The following KCNH7 variants were observed in gnomAD, a reference collection of about 807,000 sequenced individuals.
KCNH7 encodes voltage-gated inwardly rectifying potassium channel KCNH7.
KCNH7 carries 49 observed loss-of-function variants against 120.8 expected under a neutral mutation model. That is an observed-to-expected ratio of 0.41 (90% CI 0.32 to 0.51). The LOEUF is 0.51. Among genes scored for constraint, KCNH7 ranks in the 20% least tolerant of loss-of-function variants. The pLI is 0.38. For missense variants in KCNH7, 1,097 were observed against 1,446.6 expected, an observed-to-expected ratio of 0.76 and a Z score of 3.92; for synonymous variants, 547 against 516.1, an observed-to-expected ratio of 1.06 and a Z score of -0.81.
At chr2:162,416,768 C>T (rs986361141) in intron 9 of KCNH7, among the ~76,000 whole-genome samples, 1 of 152,034 alleles carries the variant, frequency 6.6e-6, no homozygotes, top group Non-Finnish European at 1.5e-5. Context: ...CTACCCAACC[C>T]AATAAAGAAA....
chr2:162,576,706 C>T (rs1693681821), intron 2 of KCNH7, among the ~76,000 whole-genome samples: 2 of 151,564 alleles, frequency 1.3e-5, no homozygotes, highest in Non-Finnish European at 2.9e-5. Context: ...AGTGGTAAAA[C>T]ATACACTTTT....
At chr2:162,699,283 T>G (rs1231210045) in intron 2 of KCNH7, among the ~76,000 whole-genome samples, 1 of 152,172 alleles carries the variant, frequency 6.6e-6, no homozygotes, top group Non-Finnish European at 1.5e-5. Flanking sequence ...ACATGGTATT[T>G]GTCTTTCTGT....
chr2:162,469,666 A>G (rs1473875276), intron 6 of KCNH7, among the ~76,000 whole-genome samples: 1 of 151,846 alleles, frequency 6.6e-6, no homozygotes, highest in Non-Finnish European at 1.5e-5. Flanking sequence ...TAAAAGGTAG[A>G]TTTGCCCTCT....
chr2:162,615,769 G>T (rs1683122110), intron 2 of KCNH7, among the ~76,000 whole-genome samples: 1 of 151,786 alleles, frequency 6.6e-6, no homozygotes, highest in African/African-American at 2.4e-5. Flanking sequence ...TTTTAATTGT[G>T]ATCAGCAAAA....
At chr2:162,459,886 G>C (rs1689089795) in intron 6 of KCNH7, among the ~76,000 whole-genome samples, 1 of 151,970 alleles carries the variant, frequency 6.6e-6, no homozygotes, top group Non-Finnish European at 1.5e-5. Context: ...ACGAGGTCAA[G>C]AGATTGAGAC....
chr2:162,504,246 G>A (rs989947128), intron 6 of KCNH7, among the ~76,000 whole-genome samples, 197 bp downstream of exon 6: 2 of 151,992 alleles, frequency 1.3e-5, no homozygotes, highest in East Asian at 3.9e-4. Context: ...GCTTAGTCTT[G>A]TAATATATAA....
At chr2:162,688,484 T>C (rs1010740397) in intron 2 of KCNH7, among the ~76,000 whole-genome samples, 4 of 152,148 alleles carry the variant, frequency 2.6e-5, no homozygotes, top group East Asian at 1.9e-4. Flanking sequence ...CCCAAAAAGG[T>C]TCAGATTTGT....
At chr2:162,580,654 G>A (rs1693835676) in intron 2 of KCNH7, among the ~76,000 whole-genome samples, 3 of 152,164 alleles carry the variant, frequency 2.0e-5, no homozygotes, top group Admixed American at 1.3e-4. Flanking sequence ...TGTCCTGGAT[G>A]AGCAATTAAT....
chr2:162,772,501 T>G (rs974577129), intron 2 of KCNH7, among the ~76,000 whole-genome samples: 2 of 152,216 alleles, frequency 1.3e-5, no homozygotes, highest in Non-Finnish European at 2.9e-5. Flanking sequence ...ATTAATTCAG[T>G]ATTGTACATT....
intron 2 of KCNH7, among the ~76,000 whole-genome samples, chr2:162,725,864 C>T (rs1687496169): frequency 6.6e-6 from 1 of 152,156 alleles, no homozygotes; most frequent in Admixed American, 6.5e-5. Context: ...TACCTACATC[C>T]CCCATGCTTC....
intron 2 of KCNH7, among the ~76,000 whole-genome samples, chr2:162,693,539 G>A (rs1030819763): frequency 3.0e-4 from 46 of 152,312 alleles, no homozygotes; most frequent in Admixed American, 2.5e-3. Context: ...CATCAGGAGA[G>A]TGAAAGGTTA....
At chr2:162,403,202 T>C (rs1406507928) in intron 9 of KCNH7, among the ~76,000 whole-genome samples, 2 of 151,924 alleles carry the variant, frequency 1.3e-5, no homozygotes, top group African/African-American at 2.4e-5. Flanking sequence ...TAGTTAGGAA[T>C]AGAAAGCCAA....
chr2:162,410,636 G>T (rs1026739933), intron 9 of KCNH7, among the ~76,000 whole-genome samples: 2 of 152,014 alleles, frequency 1.3e-5, no homozygotes, highest in African/African-American at 4.8e-5. Flanking sequence ...CACAGCAAAA[G>T]AAACTACCAA....
At chr2:162,673,245 T>C (rs1409289916) in intron 2 of KCNH7, among the ~76,000 whole-genome samples, 1 of 151,996 alleles carries the variant, frequency 6.6e-6, no homozygotes, top group Non-Finnish European at 1.5e-5. Context: ...AAAATAGAGA[T>C]CAGTATCACT....
At chr2:162,412,140 G>A (rs920314907) in intron 9 of KCNH7, among the ~76,000 whole-genome samples, 5 of 151,828 alleles carry the variant, frequency 3.3e-5, no homozygotes, top group Admixed American at 2.0e-4. Context: ...TAAATTGGCT[G>A]GATAGAAGAT....
chr2:162,678,779 G>C (rs1685613572), intron 2 of KCNH7, among the ~76,000 whole-genome samples: 1 of 151,480 alleles, frequency 6.6e-6, no homozygotes, highest in Admixed American at 6.6e-5. Context: ...CTTGTGATTG[G>C]TCATATTTTC....
chr2:162,397,007 AAAAG>A, intron 10 of KCNH7, 62 bp from the exon 11 acceptor site: 4 of 1,145,608 alleles, frequency 3.5e-6, no homozygotes, highest in Non-Finnish European at 5.1e-6. Flanking sequence ...TTCTCCTTCT[AAAAG>A]TAGAAGGGGG....
At chr2:162,549,712 A>G (rs906372031) in intron 2 of KCNH7, among the ~76,000 whole-genome samples, 2 of 152,242 alleles carry the variant, frequency 1.3e-5, no homozygotes, top group African/African-American at 4.8e-5. Flanking sequence ...ACATTTGAAA[A>G]GAAAGAGATT....
At chr2:162,611,745 A>G (rs1265436027) in intron 2 of KCNH7, among the ~76,000 whole-genome samples, 7 of 152,200 alleles carry the variant, frequency 4.6e-5, no homozygotes, top group Non-Finnish European at 1.0e-4. Flanking sequence ...TACCAGCTAT[A>G]TACACTGAGG....
Sources: gnomAD v4.1 joint callset for allele counts (sites outside exome capture counted in the v4.1 genomes callset) on GRCh38, gnomAD v4.1.1 for gene constraint, MANE v1.5 for transcripts, NCBI Gene and HGNC (gene_info 2026-07-23, HGNC 2026-07-21) for gene names.